The following POM121L12 variants were observed in gnomAD, a reference collection of about 807,000 sequenced individuals.
The protein encoded by POM121L12 is POM121-like protein 12.
For missense variants in POM121L12, 553 were observed against 409.2 expected, an observed-to-expected ratio of 1.35 and a Z score of -3.03; for synonymous variants, 251 against 179.2, an observed-to-expected ratio of 1.40 and a Z score of -3.20.
rs1249382012 is a variant in POM121L12 at position 53,036,171 on chromosome 7, A to G, written c.500A>G (p.Gln167Arg). ...CGCCCCGCAGGCCGCCCCGCCGCCC[A>G]GGAGCTCCTGGACCCCTGCACCCGG... ...RARPAGRPAA[Q>R]ELLDPCTRET... Residue 167 changes from glutamine (Q) to arginine (R), a missense_variant, in exon 1 of 1, where the codon CAG (glutamine) becomes CGG (arginine). Transcript: ENST00000408890. 15 of 1,608,974 alleles carry G rather than the reference A, an allele frequency of 9.3e-6. No homozygotes were observed. The highest frequency in any genetic ancestry group is 1.2e-5 in the Non-Finnish European group (14 of 1,178,928).
Position 53,036,601 on chromosome 7 carries a change from C to CCACGT in POM121L12, c.*40_*44dup. On this transcript the variant is annotated 3_prime_UTR_variant, in exon 1 of 1. Coordinates refer to ENST00000408890, the MANE Select transcript of POM121L12 (RefSeq NM_182595.4). ...GCTACCCACCTCCGGAGACACAAGC[C>CCACGT]CACGTATCTACTTTCACTTGCTCAT... The CCACGT allele has an allele frequency of 4.5e-6, 7 of 1,551,954 alleles. No individual in the cohort carries two copies. Among genetic ancestry groups the CCACGT allele is most frequent in the Non-Finnish European group, 6.1e-6 (7 of 1,150,040 alleles).
the POM121L12 span, chr7:53,036,226 C>A: frequency 6.2e-7 from 1 of 1,613,672 alleles, no homozygotes; most frequent in Non-Finnish European, 8.5e-7. Context: ...TCAGCCAGTG[C>A]CCCAAGGGAA....
In POM121L12 at chr7:53,035,778, C is replaced by T. The variant is rs1787535512; in HGVS notation, c.107C>T (p.Ser36Leu). The change falls in exon 1 of 1, where the codon TCA becomes TTA. Residue 36 changes from serine (S) to leucine (L), a missense_variant. By Grantham distance (145) the Ser-to-Leu change is moderately radical. Coordinates refer to ENST00000408890, the MANE Select transcript of POM121L12 (RefSeq NM_182595.4). Reference protein sequence around the residue: ...PDALAAPMSRSPSTPQTTPSP... With the variant: ...PDALAAPMSRLPSTPQTTPSP... ...GCCCTGGCGGCTCCCATGAGCAGGT[C>T]ACCCAGCACGCCCCAGACCACGCCA... is the stretch of plus-strand genomic sequence containing the variant. 1.9e-6 allele frequency: 3 copies of T among 1,613,684 alleles called. No individual in the cohort carries two copies. The highest frequency in any genetic ancestry group is 1.7e-5 in the Admixed American group (1 of 60,006).
chr7:53,036,174 A>G lies in POM121L12; in HGVS notation c.503A>G (p.Glu168Gly), dbSNP rs1444619771. ...ARPAGRPAAQELLDPCTRETL... is the reference protein window; with the variant it reads ...ARPAGRPAAQGLLDPCTRETL... ...CCCGCAGGCCGCCCCGCCGCCCAGG[A>G]GCTCCTGGACCCCTGCACCCGGGAG... is the stretch of plus-strand genomic sequence containing the variant. Residue 168 changes from glutamate (E) to glycine (G), a missense_variant, in exon 1 of 1, where the codon GAG (glutamate) becomes GGG (glycine). By Grantham distance (98) the Glu-to-Gly change is moderately conservative. Coordinates refer to ENST00000408890, the MANE Select transcript of POM121L12 (RefSeq NM_182595.4). 12 of 1,609,224 alleles carry G rather than the reference A, an allele frequency of 7.5e-6. No homozygotes were observed. Among genetic ancestry groups the G allele is most frequent in the Non-Finnish European group, 1.0e-5 (12 of 1,179,048 alleles).
In POM121L12 at chr7:53,035,965, G is replaced by A. The variant is rs900193387; in HGVS notation, c.294G>A (p.Arg98=). ...AGCGGGTGGTCTCCGAGGGCTGGAGGCGCCCTGCCCTTCCCGGGGAGACCG... is the reference window on the plus strand; with the variant it reads ...AGCGGGTGGTCTCCGAGGGCTGGAGACGCCCTGCCCTTCCCGGGGAGACCG... ...KPQRVVSEGW[R]RPALPGETAL... Residue 98 remains arginine (R), a synonymous_variant, in exon 1 of 1, where the codon AGG becomes AGA. Transcript: ENST00000408890. The A allele has an allele frequency of 6.2e-7, 1 of 1,612,622 alleles. No individual in the cohort carries two copies. The highest frequency in any genetic ancestry group is 8.5e-7 in the Non-Finnish European group (1 of 1,179,502).
Position 53,036,561 on chromosome 7 carries a change from A to G in POM121L12, c.890A>G (p.Ter297=). The part of the protein sequence containing the change: ...VTQSAGPFGS[*] ...CAGTCTGCTGGCCCCTTTGGCTCCTAAGAATCTGGGCTCTGCTACCCACCT... is the reference window on the plus strand; with the variant it reads ...CAGTCTGCTGGCCCCTTTGGCTCCTGAGAATCTGGGCTCTGCTACCCACCT... The change falls in exon 1 of 1, where the codon TAA becomes TGA. Residue 297 remains the stop codon, a stop_retained_variant. Transcript: ENST00000408890. The G allele has an allele frequency of 1.2e-6, 2 of 1,601,524 alleles. No homozygotes were observed. The highest frequency in any genetic ancestry group is 1.7e-6 in the Non-Finnish European group (2 of 1,174,008).
At position 53,036,058 on chromosome 7, in the gene POM121L12, C is replaced by A; in HGVS notation, c.387C>A (p.Asn129Lys). 6.2e-7 allele frequency: 1 copy of A among 1,612,930 alleles called. No individual in the cohort carries two copies. The highest frequency in any genetic ancestry group is 8.5e-7 in the Non-Finnish European group (1 of 1,179,744). ...CMKGGLCRAW[N>K]PGRTWSPVTI... ...AAGGGGGGCTGTGTCGTGCCTGGAACCCAGGACGGACCTGGAGCCCGGTGA... is the reference window on the plus strand; with the variant it reads ...AAGGGGGGCTGTGTCGTGCCTGGAAACCAGGACGGACCTGGAGCCCGGTGA... The change falls in exon 1 of 1, where the codon AAC (asparagine) becomes AAA (lysine). Residue 129 changes from asparagine (N) to lysine (K), a missense_variant. By Grantham distance (94) the Asn-to-Lys change is moderately conservative. Coordinates refer to ENST00000408890, the MANE Select transcript of POM121L12 (RefSeq NM_182595.4).
rs1032340563 is a variant in POM121L12, at chr7:53,036,548, C to T, written c.877C>T (p.Pro293Ser). ...FALEVTQSAGPFGS is the reference protein window; with the variant it reads ...FALEVTQSAGSFGS ...CCTCGAGGTCACCCAGTCTGCTGGC[C>T]CCTTTGGCTCCTAAGAATCTGGGCT... The change falls in exon 1 of 1, where the codon CCC becomes TCC. Residue 293 changes from proline to serine, a missense_variant. Coordinates refer to ENST00000408890, the MANE Select transcript of POM121L12 (RefSeq NM_182595.4). 8.1e-6 allele frequency: 13 copies of T among 1,605,690 alleles called. No homozygotes were observed. Among genetic ancestry groups the T allele is most frequent in the Admixed American group, 1.7e-5 (1 of 58,488 alleles).
At position 53,036,383 on chromosome 7, in the gene POM121L12, C is replaced by T; in HGVS notation, c.712C>T (p.Pro238Ser). 6.2e-7 allele frequency: 1 copy of T among 1,613,650 alleles called. No homozygotes were observed. The highest frequency in any genetic ancestry group is 1.3e-5 in the African/African-American group (1 of 75,028). ...SFVPRPGPLK[P>S]SLGPWSLSFC... Reference sequence around the variant, plus strand: ...CGTGCCCAGGCCAGGGCCTCTGAAGCCGAGCCTCGGCCCCTGGAGCCTCAG... The same window carrying T: ...CGTGCCCAGGCCAGGGCCTCTGAAGTCGAGCCTCGGCCCCTGGAGCCTCAG... Residue 238 changes from proline (P) to serine (S), a missense_variant, in exon 1 of 1, where the codon CCG (proline) becomes TCG (serine). Coordinates refer to ENST00000408890, the MANE Select transcript of POM121L12 (RefSeq NM_182595.4).
At position 53,036,646 on chromosome 7, in the gene POM121L12, G is replaced by T. The variant is rs943971020; in HGVS notation, c.*84G>T. ...GCTCATCCTTGCTCTACCTCAACGT[G>T]GGGCCCTGACACCACGTTATCAAAC... On this transcript the variant is annotated 3_prime_UTR_variant, in exon 1 of 1. Coordinates refer to ENST00000408890, the MANE Select transcript of POM121L12 (RefSeq NM_182595.4). The T allele has an allele frequency of 6.9e-7, 1 of 1,443,210 alleles. No individual in the cohort carries two copies. Among genetic ancestry groups the T allele is most frequent in the South Asian group, 1.4e-5 (1 of 74,014 alleles). 89.4% of individuals were successfully genotyped at this position (1,443,210 alleles called of 1,614,324 possible).
At chr7:53,036,142 AGCCC>A in the POM121L12 span, 3 of 1,610,810 alleles carry the variant, frequency 1.9e-6, no homozygotes, top group Non-Finnish European at 2.5e-6. Context: ...CTGGACAGAG[AGCCC>A]GCCCCGCAGG....
rs1043171339 is a variant in POM121L12, at chr7:53,036,691, C to A, written c.*129C>A. ...TCAAACATGCAGCCCCCACACCCCT[C>A]GTCTGCCCGCCCCCAGATCTTCCCT... is the stretch of plus-strand genomic sequence containing the variant. On this transcript the variant is annotated 3_prime_UTR_variant, in exon 1 of 1. Transcript: ENST00000408890. The A allele has an allele frequency of 9.1e-6, 9 of 987,986 alleles. No homozygotes were observed. The Middle Eastern group carries it at 1.7e-3, about 188-fold the overall frequency. The allele number at this position is 987,986 out of a possible 1,614,324, so 61.2% of individuals were successfully genotyped here.
rs1176159972 is a variant in POM121L12, at chr7:53,035,636, C to T, written c.-36C>T. 1 of 1,505,112 alleles carries T rather than the reference C, an allele frequency of 6.6e-7. No individual in the cohort carries two copies. Among genetic ancestry groups the T allele is most frequent in the Non-Finnish European group, 8.9e-7 (1 of 1,125,284 alleles). The allele number at this position is 1,505,112 out of a possible 1,614,324, so 93.2% of individuals were successfully genotyped here. A position where few individuals can be genotyped will look rare whatever the true frequency, so the allele number is the denominator to read the frequency against. On this transcript the variant is annotated 5_prime_UTR_variant, in exon 1 of 1. Transcript: ENST00000408890. ...GTGTCCCGCGCCCATGTCCTTCGTG[C>T]CTTCCAAGCGCCCAGAGGCCAACGG...
rs1490888096 is a variant in POM121L12, at chr7:53,035,958, G to T, written c.287G>T (p.Gly96Val). 1.9e-6 allele frequency: 3 copies of T among 1,612,426 alleles called. No individual in the cohort carries two copies. Among genetic ancestry groups the T allele is most frequent in the Non-Finnish European group, 1.7e-6 (2 of 1,179,518 alleles). The change falls in exon 1 of 1, where the codon GGC (glycine) becomes GTC (valine). Residue 96 changes from glycine (G) to valine (V), a missense_variant. Physicochemically the swap from Gly to Val is moderately radical, Grantham distance 109 (BLOSUM62 -3). Transcript: ENST00000408890. ...AAGCCGCAGCGGGTGGTCTCCGAGG[G>T]CTGGAGGCGCCCTGCCCTTCCCGGG... is the stretch of plus-strand genomic sequence containing the variant. ...PAKPQRVVSE[G>V]WRRPALPGET...
chr7:53,036,721 G>T lies in POM121L12; in HGVS notation c.*159G>T. 1 of 749,956 alleles carries T rather than the reference G, an allele frequency of 1.3e-6. No individual in the cohort carries two copies. 46.5% of individuals were successfully genotyped at this position (749,956 alleles called of 1,614,324 possible). A position where few individuals can be genotyped will look rare whatever the true frequency, so the allele number is the denominator to read the frequency against. ...GCCCGCCCCCAGATCTTCCCTCTGTGCTCCCTGCCACCCCAGCAGCTGTTG... is the reference window on the plus strand; with the variant it reads ...GCCCGCCCCCAGATCTTCCCTCTGTTCTCCCTGCCACCCCAGCAGCTGTTG... On this transcript the variant is annotated 3_prime_UTR_variant, in exon 1 of 1. Transcript: ENST00000408890.
Position 53,036,699 on chromosome 7 carries a change from C to T in POM121L12, c.*137C>T, listed in dbSNP as rs957059776. 1.1e-5 allele frequency: 10 copies of T among 946,578 alleles called. No individual in the cohort carries two copies. Among genetic ancestry groups the T allele is most frequent in the Admixed American group, 2.8e-5 (1 of 35,204 alleles). 58.6% of individuals were successfully genotyped at this position (946,578 alleles called of 1,614,324 possible). On this transcript the variant is annotated 3_prime_UTR_variant, in exon 1 of 1. Transcript: ENST00000408890. ...GCAGCCCCCACACCCCTCGTCTGCC[C>T]GCCCCCAGATCTTCCCTCTGTGCTC...
Position 53,035,941 on chromosome 7 carries a change from G to T in POM121L12, c.270G>T (p.Gln90His), listed in dbSNP as rs369994817. 1.9e-6 allele frequency: 3 copies of T among 1,612,840 alleles called. No homozygotes were observed. Among genetic ancestry groups the T allele is most frequent in the East Asian group, 2.2e-5 (1 of 44,810 alleles). The change falls in exon 1 of 1, where the codon CAG becomes CAT. Residue 90 changes from glutamine (Q) to histidine (H), a missense_variant. By Grantham distance (24) the Gln-to-His change is conservative. Transcript: ENST00000408890. ...CCACCCAGGACCCCGCCAAGCCGCA[G>T]CGGGTGGTCTCCGAGGGCTGGAGGC... ...VRPTQDPAKP[Q>H]RVVSEGWRRP...
In POM121L12 at chr7:53,035,818, C is replaced by G. The variant is rs375430232; in HGVS notation, c.147C>G (p.Arg49=). 1.9e-6 allele frequency: 3 copies of G among 1,613,728 alleles called. No homozygotes were observed. Among genetic ancestry groups the G allele is most frequent in the Non-Finnish European group, 2.5e-6 (3 of 1,179,872 alleles). Residue 49 remains arginine, a synonymous_variant, in exon 1 of 1, where the codon CGC becomes CGG. Coordinates refer to ENST00000408890, the MANE Select transcript of POM121L12 (RefSeq NM_182595.4). ...AGACCACGCCATCTCCCCAGGGTCG[C>G]CAGAGTCCCTGGCCCCTGAGGTCCC... ...TPQTTPSPQG[R]QSPWPLRSLT...
chr7:53,036,228 C>A lies in POM121L12; in HGVS notation c.557C>A (p.Pro186His). 1 of 1,613,692 alleles carries A rather than the reference C, an allele frequency of 6.2e-7. No individual in the cohort carries two copies. Residue 186 changes from proline to histidine, a missense_variant, in exon 1 of 1, where the codon CCC becomes CAC. By Grantham distance (77) the Pro-to-His change is moderately conservative. Coordinates refer to ENST00000408890, the MANE Select transcript of POM121L12 (RefSeq NM_182595.4). Reference sequence around the variant, plus strand: ...CTGCTGGGGGCGCTCAGCCAGTGCCCCAAGGGAAGCGCTAGGTTCGACGGG... The same window carrying A: ...CTGCTGGGGGCGCTCAGCCAGTGCCACAAGGGAAGCGCTAGGTTCGACGGG... ...ETLLGALSQC[P>H]KGSARFDGPL...
Sources: allele counts gnomAD v4.1 joint callset, GRCh38; gene constraint gnomAD v4.1.1; transcripts MANE v1.5; gene names NCBI Gene and HGNC (gene_info 2026-07-23, HGNC 2026-07-21).